ADCK1: variants seen among roughly 807,000 people sequenced by gnomAD.
ADCK1 encodes aarF domain containing kinase 1.
Under a neutral mutation model 52.3 loss-of-function variants are expected in ADCK1, and 41 were observed. That is an observed-to-expected ratio of 0.78 (90% CI 0.61 to 1.02). The LOEUF is 1.02. Ranked by LOEUF, ADCK1 falls within the 50% of genes least tolerant of loss-of-function variation. The probability of loss-of-function intolerance (pLI) is 0.00; values close to 1 mark genes in which losing one functional copy is unlikely to be tolerated. For missense variants in ADCK1, 658 were observed against 679.5 expected (o/e 0.97, Z 0.35); for synonymous variants, 250 against 274.6 (o/e 0.91, Z 0.89).
At chr14:77,835,691 G>A (rs1235540015) in intron 3 of ADCK1, among the ~76,000 whole-genome samples, 2 of 152,180 alleles carry the variant, frequency 1.3e-5, no homozygotes. Context: ...ATAGTGGCTT[G>A]ATCATGGCTC....
At chr14:77,901,721 C>G (rs141255696) in intron 6 of ADCK1, among the ~76,000 whole-genome samples, 3 of 152,312 alleles carry the variant, frequency 2.0e-5, no homozygotes, top group East Asian at 3.9e-4. Context: ...TCCTGGTGTT[C>G]TCTCAGAGCA....
At chr14:77,895,114 C>G (rs1043023343) in intron 5 of ADCK1, among the ~76,000 whole-genome samples, 1 of 152,118 alleles carries the variant, frequency 6.6e-6, no homozygotes, top group African/African-American at 2.4e-5. Flanking sequence ...TTCTGTGTGG[C>G]CCATGATTGA....
At chr14:77,878,731 C>T (rs1367024885) in intron 4 of ADCK1, among the ~76,000 whole-genome samples, 4 of 152,196 alleles carry the variant, frequency 2.6e-5, no homozygotes, top group African/African-American at 9.6e-5. Flanking sequence ...CCCTAGAGAT[C>T]TCTGTTACAG....
intron 2 of ADCK1, 70 bp downstream of exon 2, chr14:77,819,183 G>A: frequency 6.3e-7 from 1 of 1,594,148 alleles, no homozygotes; most frequent in Non-Finnish European, 8.6e-7. Flanking sequence ...ACATGTAGCA[G>A]ATAGACATGC....
chr14:77,900,556 C>T, intron 6 of ADCK1: 1 of 455,162 alleles, frequency 2.2e-6, no homozygotes, highest in Non-Finnish European at 4.4e-6. Flanking sequence ...CATTGCATTG[C>T]AGCCTGGGCA....
At position 77,904,132 on chromosome 14, in the gene ADCK1, A is replaced by G. The variant is rs72690683; in HGVS notation, c.742-3671A>G. ...ATTCCAGTGAACCGTCTAGAGCATAACTCTCAGCCCTGGTGTGTATCAGAG... is the reference window on the plus strand; with the variant it reads ...ATTCCAGTGAACCGTCTAGAGCATAGCTCTCAGCCCTGGTGTGTATCAGAG... On this transcript the variant is annotated intron_variant, in intron 6 of 10. Transcript: ENST00000238561. Among the ~76,000 whole-genome samples, 886 of 152,150 alleles carry G rather than the reference A, an allele frequency of 5.8e-3. 4 individuals are homozygous for G. The highest frequency in any genetic ancestry group is 9.5e-3 in the South Asian group (46 of 4,822).
At chr14:77,891,744 A>T (rs2083288574) in intron 5 of ADCK1, among the ~76,000 whole-genome samples, 1 of 152,146 alleles carries the variant, frequency 6.6e-6, no homozygotes, top group Non-Finnish European at 1.5e-5. Flanking sequence ...CCACCACCCC[A>T]TGGATCATCA....
chr14:77,828,061 C>T (rs2081757124), intron 3 of ADCK1: 1 of 204,722 alleles, frequency 4.9e-6, no homozygotes, highest in Non-Finnish European at 1.0e-5. Context: ...ATCTCCTGAC[C>T]TCGTGATCCG....
chr14:77,933,582 GAACTGTGGCATAGCT>G lies in ADCK1; in HGVS notation c.*192_*206del. On this transcript the variant is annotated 3_prime_UTR_variant, in exon 11 of 11. Transcript: ENST00000238561. ...GCCCTTGTCTCAGGGCCCACAAGCTGAACTGTGGCATAGCTCTCTCTTCTTCTCCAAGAAGACTCA... is the reference window on the plus strand; with the variant it reads ...GCCCTTGTCTCAGGGCCCACAAGCTGCTCTCTTCTTCTCCAAGAAGACTCA... 1.6e-6 allele frequency: 1 copy of G among 612,086 alleles called. No homozygotes were observed. The highest frequency in any genetic ancestry group is 2.4e-5 in the South Asian group (1 of 41,900). 37.9% of individuals were successfully genotyped at this position (612,086 alleles called of 1,614,324 possible). A position where few individuals can be genotyped will look rare whatever the true frequency, so the allele number is the denominator to read the frequency against.
intron 4 of ADCK1, among the ~76,000 whole-genome samples, chr14:77,872,923 G>T (rs61990736): frequency 0.086 from 13,154 of 152,138 alleles, 649 homozygotes; most frequent in African/African-American, 0.098. Flanking sequence ...TGACCTGCCG[G>T]CCTTGACCTC....
intron 4 of ADCK1, among the ~76,000 whole-genome samples, chr14:77,867,646 G>C (rs1442362349): frequency 1.3e-5 from 2 of 152,136 alleles, no homozygotes; most frequent in African/African-American, 4.8e-5. Flanking sequence ...GGCAATGGTC[G>C]AGGTGGCCCT....
chr14:77,839,480 G>A (rs1306633576), intron 3 of ADCK1, among the ~76,000 whole-genome samples: 1 of 152,160 alleles, frequency 6.6e-6, no homozygotes, highest in African/African-American at 2.4e-5. Flanking sequence ...TGCTGTGGCT[G>A]TTCTAGTTTA....
In ADCK1 at chr14:77,852,665, A is replaced by AAATATATATATATAT. The variant is rs2082313221; in HGVS notation, c.220-6411_220-6410insAATATATATATATAT. ...ATTATTTCTTTAAATAAATAAATAT[A>AAATATATATATATAT]TATATATATATATATATATATATAT... On this transcript the variant is annotated intron_variant, in intron 3 of 10. Transcript: ENST00000238561. Among the ~76,000 whole-genome samples the AAATATATATATATAT allele has an allele frequency of 2.4e-3, 210 of 88,852 alleles. 3 individuals are homozygous for AAATATATATATATAT. Among genetic ancestry groups the AAATATATATATATAT allele is most frequent in the African/African-American group, 0.012 (204 of 17,012 alleles). The allele number at this position is 88,852 out of a possible 152,430, so 58.3% of individuals were successfully genotyped here. A position where few individuals can be genotyped will look rare whatever the true frequency, so the allele number is the denominator to read the frequency against.
At chr14:77,842,431 C>T (rs1288597458) in intron 3 of ADCK1, among the ~76,000 whole-genome samples, 1 of 124,602 alleles carries the variant, frequency 8.0e-6, no homozygotes, top group Middle Eastern at 4.5e-3. Context: ...TTCCCTGTAT[C>T]TTTCAGGGTA....
chr14:77,917,037 G>A (rs916639113), intron 7 of ADCK1, among the ~76,000 whole-genome samples: 1 of 152,154 alleles, frequency 6.6e-6, no homozygotes, highest in Admixed American at 6.5e-5. Flanking sequence ...ATCCCATCCT[G>A]GGCAACATAG....
chr14:77,852,638 C>A (rs1259805195), intron 3 of ADCK1, among the ~76,000 whole-genome samples: 3 of 109,306 alleles, frequency 2.7e-5, no homozygotes, highest in Admixed American at 1.1e-4. Flanking sequence ...AAAATTTCAG[C>A]CATTATTTCT....
At chr14:77,893,711 A>G (rs536965387) in intron 5 of ADCK1, among the ~76,000 whole-genome samples, 1 of 129,808 alleles carries the variant, frequency 7.7e-6, no homozygotes, top group Non-Finnish European at 1.6e-5. Flanking sequence ...TCTGTCTACC[A>G]TCTTGTTTCT....
chr14:77,934,674 G>A lies in ADCK1; in HGVS notation c.*1283G>A, dbSNP rs1482934213. ...AATTCCCATGTCTTTGTCTTTGGCA[G>A]GTCCTACTGTCTGCTTTCACGGACA... On this transcript the variant is annotated 3_prime_UTR_variant, in exon 11 of 11. Coordinates refer to ENST00000238561, the MANE Select transcript of ADCK1 (RefSeq NM_020421.4). The A allele has an allele frequency of 2.0e-5, 3 of 152,154 alleles. No homozygotes were observed. Among genetic ancestry groups the A allele is most frequent in the Non-Finnish European group, 4.4e-5 (3 of 68,044 alleles). The allele number at this position is 152,154 out of a possible 1,614,324, so 9.4% of individuals were successfully genotyped here. A position where few individuals can be genotyped will look rare whatever the true frequency, so the allele number is the denominator to read the frequency against.
chr14:77,916,736 A>G (rs1294901876), intron 7 of ADCK1, among the ~76,000 whole-genome samples: 5 of 152,078 alleles, frequency 3.3e-5, no homozygotes, highest in Middle Eastern at 3.4e-3. Context: ...CTTCCTCACT[A>G]TCTCTCCCGA....
Sources: gnomAD v4.1 joint callset for allele counts (sites outside exome capture counted in the v4.1 genomes callset) on GRCh38, gnomAD v4.1.1 for gene constraint, MANE v1.5 for transcripts, NCBI Gene and HGNC (gene_info 2026-07-23, HGNC 2026-07-21) for gene names.